RAB5C: variants seen among roughly 807,000 people sequenced by gnomAD.
RAB5C encodes ras-related protein Rab-5C.
Under a neutral mutation model 25.2 loss-of-function variants are expected in RAB5C, and 4 were observed. That is an observed-to-expected ratio of 0.16 (90% CI 0.08 to 0.36). The LOEUF is 0.36. Among genes scored for constraint, RAB5C ranks in the 10% least tolerant of loss-of-function variants. The pLI is 1.00. For synonymous variants in RAB5C, 100 were observed against 106.4 expected, an observed-to-expected ratio of 0.94 and a Z score of 0.37; for missense variants, 199 against 283.8, an observed-to-expected ratio of 0.70 and a Z score of 2.15.
At chr17:42,148,107 AC>A (rs199700812) in intron 1 of RAB5C, among the ~76,000 whole-genome samples, 46 of 150,508 alleles carry the variant, frequency 3.1e-4, no homozygotes, top group African/African-American at 5.4e-4. Flanking sequence ...TCAAAAACAA[AC>A]AAAAAAAAAG....
At chr17:42,147,851 C>T (rs896230478) in intron 1 of RAB5C, among the ~76,000 whole-genome samples, 1 of 152,098 alleles carries the variant, frequency 6.6e-6, no homozygotes, top group Non-Finnish European at 1.5e-5. Flanking sequence ...AATCCCAGCA[C>T]TTTGGGAGGC....
intron 1 of RAB5C, among the ~76,000 whole-genome samples, chr17:42,132,674 C>G (rs963775093): frequency 1.3e-4 from 20 of 151,900 alleles, no homozygotes; most frequent in African/African-American, 4.8e-4. Context: ...CCACACCCAG[C>G]TAATTAAAAT....
At chr17:42,136,203 C>T (rs934256805) in intron 1 of RAB5C, 4 of 152,152 alleles carry the variant, frequency 2.6e-5, no homozygotes, top group African/African-American at 7.2e-5. Context: ...ATTTAAAAGC[C>T]AACTGGAGTC....
intron 2 of RAB5C, among the ~76,000 whole-genome samples, chr17:42,129,076 T>G (rs1176809676): frequency 6.6e-6 from 1 of 151,906 alleles, no homozygotes; most frequent in African/African-American, 2.4e-5. Context: ...TCAGGACCAC[T>G]CTCTGAAGAG....
intron 1 of RAB5C, among the ~76,000 whole-genome samples, chr17:42,140,292 G>C (rs932726814): frequency 6.6e-6 from 1 of 151,852 alleles, no homozygotes; most frequent in Non-Finnish European, 1.5e-5. Flanking sequence ...CCTAAACAGA[G>C]AGCAGAGGTC....
chr17:42,138,518 G>A (rs931129427), intron 1 of RAB5C, among the ~76,000 whole-genome samples: 7 of 152,196 alleles, frequency 4.6e-5, no homozygotes, highest in African/African-American at 9.6e-5. Context: ...TTTTTCCAGC[G>A]GAAAGGGAAG....
chr17:42,154,809 A>C (rs1239491674), intron 1 of RAB5C, 84 bp downstream of exon 1: 1 of 152,320 alleles, frequency 6.6e-6, no homozygotes, highest in Admixed American at 6.5e-5. Context: ...TATCCCCCTA[A>C]ACTGGGGCTG....
At chr17:42,132,597 C>T (rs754221517) in intron 1 of RAB5C, among the ~76,000 whole-genome samples, 7 of 152,066 alleles carry the variant, frequency 4.6e-5, no homozygotes, top group Admixed American at 3.9e-4. Context: ...TAGAGTGCAG[C>T]GGTGTGATCA....
intron 1 of RAB5C, among the ~76,000 whole-genome samples, chr17:42,145,532 G>A (rs569169118): frequency 1.3e-5 from 2 of 152,338 alleles, no homozygotes; most frequent in East Asian, 1.9e-4. Context: ...GTTAGCTCAC[G>A]CATGTAATCC....
chr17:42,131,946 G>A, intron 1 of RAB5C: 1 of 201,806 alleles, frequency 5.0e-6, no homozygotes, highest in Non-Finnish European at 1.0e-5. Flanking sequence ...ACACTGTTCA[G>A]CATTTGAACC....
intron 1 of RAB5C, among the ~76,000 whole-genome samples, chr17:42,134,788 T>C (rs939433167): frequency 3.9e-5 from 6 of 152,114 alleles, no homozygotes; most frequent in African/African-American, 1.2e-4. Flanking sequence ...TATTTTCCTA[T>C]TAATACAATG....
At chr17:42,127,056 T>C (rs1204429328) in intron 4 of RAB5C, among the ~76,000 whole-genome samples, 1 of 152,234 alleles carries the variant, frequency 6.6e-6, no homozygotes, top group Non-Finnish European at 1.5e-5. Context: ...CACTAGCAGA[T>C]GTCTTACCCG....
intron 2 of RAB5C, 167 bp downstream of exon 2, chr17:42,130,169 TG>T: frequency 1.1e-6 from 1 of 894,058 alleles, no homozygotes; most frequent in Non-Finnish European, 1.6e-6. Flanking sequence ...GACTCTGGCA[TG>T]GAGACCAGTT....
intron 3 of RAB5C, 59 bp from the exon 4 acceptor site, chr17:42,128,442 C>T (rs2054450894): frequency 1.3e-6 from 2 of 1,547,124 alleles, no homozygotes; most frequent in Non-Finnish European, 1.7e-6. Context: ...CCAGGGCCAC[C>T]CATTAGAGAC....
rs762426183 is a variant in RAB5C, at chr17:42,128,816, A to T, written c.167-16T>A. On this transcript the variant is annotated splice_polypyrimidine_tract_variant and intron_variant, in intron 2 of 5. Coordinates refer to ENST00000346213, the MANE Select transcript of RAB5C (RefSeq NM_004583.4). ...AGGAAGGCCGCTGTAAGAGAGAAGG[A>T]GCGTCCATGGGCAAGAGCGAGTTGG... is the stretch of plus-strand genomic sequence containing the variant. 6.8e-7 allele frequency: 1 copy of T among 1,464,476 alleles called. No individual in the cohort carries two copies. The highest frequency in any genetic ancestry group is 9.1e-7 in the Non-Finnish European group (1 of 1,104,812). The allele number at this position is 1,464,476 out of a possible 1,614,324, so 90.7% of individuals were successfully genotyped here. A position where few individuals can be genotyped will look rare whatever the true frequency, so the allele number is the denominator to read the frequency against.
At chr17:42,150,013 T>C (rs970060817) in intron 1 of RAB5C, among the ~76,000 whole-genome samples, 1 of 151,820 alleles carries the variant, frequency 6.6e-6, no homozygotes, top group Non-Finnish European at 1.5e-5. Context: ...GCCTCCCAAG[T>C]AGCTGGGATT....
intron 1 of RAB5C, among the ~76,000 whole-genome samples, chr17:42,144,661 G>A (rs1268386603): frequency 6.6e-6 from 1 of 151,826 alleles, no homozygotes; most frequent in East Asian, 1.9e-4. Flanking sequence ...GGGCGTGGTG[G>A]CTCACGCCTG....
chr17:42,128,061 C>A (rs2144061249), intron 4 of RAB5C, among the ~76,000 whole-genome samples, 200 bp downstream of exon 4: 1 of 152,230 alleles, frequency 6.6e-6, no homozygotes, highest in East Asian at 1.9e-4. Flanking sequence ...CTCAAGTGAT[C>A]CTCCCACTCC....
chr17:42,136,490 A>G (rs1030268723), intron 1 of RAB5C: 3 of 152,194 alleles, frequency 2.0e-5, no homozygotes, highest in African/African-American at 7.2e-5. Context: ...GGTTTGGTTC[A>G]AGCTCCACTC....
Sources: gnomAD v4.1 joint callset for allele counts (sites outside exome capture counted in the v4.1 genomes callset) on GRCh38, gnomAD v4.1.1 for gene constraint, MANE v1.5 for transcripts, NCBI Gene and HGNC (gene_info 2026-07-23, HGNC 2026-07-21) for gene names.